Variants in SAMD12 observed in about 807,000 individuals in gnomAD.
SAMD12 encodes the protein sterile alpha motif domain containing 12.
Under a neutral mutation model 15.0 loss-of-function variants are expected in SAMD12, and 9 were observed. The observed-to-expected ratio is 0.60, with a 90% confidence interval of 0.36 to 1.05. The LOEUF (loss-of-function observed/expected upper bound fraction) is 1.05. Among genes scored for constraint, SAMD12 ranks in the 50% least tolerant of loss-of-function variants. The pLI, the probability that SAMD12 is intolerant of heterozygous loss-of-function variation, is 0.01. For synonymous variants in SAMD12, 86 were observed against 90.1 expected (o/e 0.96, Z 0.25); for missense variants, 230 against 234.2 (o/e 0.98, Z 0.12).
At chr8:118,485,002 C>T (rs1194099620) in intron 2 of SAMD12, among the ~76,000 whole-genome samples, 2 of 152,156 alleles carry the variant, frequency 1.3e-5, no homozygotes, top group Non-Finnish European at 2.9e-5. Flanking sequence ...GTCCTGACCA[C>T]CCAGCTGGAA....
At position 118,439,821 on chromosome 8, in the gene SAMD12, G is replaced by A. The variant is rs773507933; in HGVS notation, c.322+11C>T. 12 of 1,610,584 alleles carry A rather than the reference G, an allele frequency of 7.5e-6. No individual in the cohort carries two copies. Among genetic ancestry groups the A allele is most frequent in the South Asian group, 1.1e-5 (1 of 90,970 alleles). On this transcript the variant is annotated intron_variant, in intron 3 of 3. Transcript: ENST00000314727. Reference sequence around the variant, plus strand: ...AAAGGAGTGAAATATCTGGGATACTGCATACTTTACCAGTTATGTCATGCT... The same window carrying A: ...AAAGGAGTGAAATATCTGGGATACTACATACTTTACCAGTTATGTCATGCT...
At chr8:118,440,023 A>G in intron 2 of SAMD12, 62 bp from the exon 3 acceptor site, 1 of 1,558,976 alleles carries the variant, frequency 6.4e-7, no homozygotes, top group East Asian at 2.2e-5. Context: ...CACTATAGTT[A>G]AAAGTCTTAG....
intron 1 of SAMD12, among the ~76,000 whole-genome samples, chr8:118,594,950 T>C (rs1040691884): frequency 5.3e-5 from 8 of 152,332 alleles, no homozygotes; most frequent in African/African-American, 1.9e-4. Flanking sequence ...GGGCAGTGTA[T>C]TTCCACTTTT....
rs1054889536 is a variant in SAMD12, at chr8:118,292,318, ATAAAG to A, written c.433+87237_433+87241del. Among the ~76,000 whole-genome samples, 33 of 143,602 alleles carry A rather than the reference ATAAAG, an allele frequency of 2.3e-4. No homozygotes were observed. The Middle Eastern group carries it at 0.011, about 48-fold the overall frequency. 94.2% of individuals were successfully genotyped at this position (143,602 alleles called of 152,430 possible). A position where few individuals can be genotyped will look rare whatever the true frequency, so the allele number is the denominator to read the frequency against. On this transcript the variant is annotated intron_variant, in intron 4 of 4. Coordinates refer to the SAMD12 transcript ENST00000409003. ...AAAAATAAACAATATAATAATAATA[ATAAAG>A]TAATGTCCAAAACTGCAAACACACA...
intron 4 of SAMD12, chr8:118,197,800 C>A: frequency 7.2e-7 from 1 of 1,379,738 alleles, no homozygotes; most frequent in Non-Finnish European, 1.0e-6. Flanking sequence ...TGATATGTAG[C>A]AATTATCTTA....
At chr8:118,439,718 C>T in intron 3 of SAMD12, 114 bp downstream of exon 3, 1 of 1,008,776 alleles carries the variant, frequency 9.9e-7, no homozygotes, top group South Asian at 1.5e-5. Flanking sequence ...GGAAGTAAAC[C>T]CATGCCAGAA....
At chr8:118,374,132 C>T (rs1819253945), downstream of SAMD12, among the ~76,000 whole-genome samples, 1 of 152,060 alleles carries the variant, frequency 6.6e-6, no homozygotes, top group South Asian at 2.1e-4. Flanking sequence ...GAAACTTGTA[C>T]ATGAAACACA....
chr8:118,366,841 TAAAATAAAATAA>T (rs1818806034), intron 4 of SAMD12, among the ~76,000 whole-genome samples: 1 of 88,698 alleles, frequency 1.1e-5, no homozygotes, highest in Non-Finnish European at 2.3e-5. Context: ...TAAAATAAAA[TAAAATAAAATAA>T]AATAAAATAA....
chr8:118,566,296 G>A (rs892480304), intron 2 of SAMD12, among the ~76,000 whole-genome samples: 3 of 152,038 alleles, frequency 2.0e-5, no homozygotes, highest in Non-Finnish European at 2.9e-5. Context: ...TTTTGGTTTC[G>A]TCTCAGAAAA....
exon 5 of SAMD12, chr8:118,190,253 G>A (rs1476674623): frequency 6.6e-6 from 1 of 152,116 alleles, no homozygotes; most frequent in African/African-American, 2.4e-5. Context: ...TTCACATTGT[G>A]TAATTTTTCT....
intron 4 of SAMD12, among the ~76,000 whole-genome samples, chr8:118,337,262 A>G (rs529093505): frequency 1.3e-5 from 2 of 152,296 alleles, no homozygotes; most frequent in East Asian, 1.9e-4. Context: ...GGGTCCTAGT[A>G]ATTGCTGGCT....
intron 2 of SAMD12, among the ~76,000 whole-genome samples, chr8:118,569,817 G>A (rs903229064): frequency 6.6e-6 from 1 of 152,286 alleles, no homozygotes; most frequent in Non-Finnish European, 1.5e-5. Flanking sequence ...TCTTGTTTAA[G>A]CTACCAAGTC....
At chr8:118,606,949 C>T (rs1031327882) in intron 1 of SAMD12, among the ~76,000 whole-genome samples, 13 of 152,128 alleles carry the variant, frequency 8.5e-5, no homozygotes, top group Non-Finnish European at 1.6e-4. Flanking sequence ...GCTATAGGGT[C>T]AGAGTACCCT....
chr8:118,244,794 G>A (rs527476693), intron 4 of SAMD12, among the ~76,000 whole-genome samples: 4 of 152,110 alleles, frequency 2.6e-5, no homozygotes, highest in East Asian at 1.9e-4. Context: ...AAAGTAGAGC[G>A]AAAACTAGGA....
intron 1 of SAMD12, among the ~76,000 whole-genome samples, chr8:118,599,081 A>C (rs1225207223): frequency 6.6e-6 from 1 of 152,154 alleles, no homozygotes; most frequent in Non-Finnish European, 1.5e-5. Context: ...TATCCCAGGC[A>C]AGGCCCTATT....
the SAMD12 span, among the ~76,000 whole-genome samples, chr8:118,165,833 G>A: frequency 0.011 from 1,669 of 151,786 alleles, 35 homozygotes; most frequent in African/African-American, 0.038. Flanking sequence ...TAACATGGTT[G>A]AGTCCAGTTT....
At chr8:118,547,308 G>C (rs546296251) in intron 2 of SAMD12, among the ~76,000 whole-genome samples, 38 of 152,218 alleles carry the variant, frequency 2.5e-4, no homozygotes, top group Admixed American at 1.7e-3. Context: ...TCGCCAATTT[G>C]TTGGCCAAAT....
chr8:118,450,169 C>T (rs1188112335), intron 2 of SAMD12, among the ~76,000 whole-genome samples: 7 of 152,180 alleles, frequency 4.6e-5, no homozygotes, highest in South Asian at 2.1e-4. Context: ...TTGTATGCAA[C>T]GCTGGTGAGA....
At chr8:118,201,574 G>A (rs1819717276) in intron 4 of SAMD12, among the ~76,000 whole-genome samples, 1 of 152,180 alleles carries the variant, frequency 6.6e-6, no homozygotes, top group African/African-American at 2.4e-5. Flanking sequence ...GCAGTGTCAG[G>A]TATACAGAAA....
Sources: gnomAD v4.1 joint callset for allele counts (sites outside exome capture counted in the v4.1 genomes callset) on GRCh38, gnomAD v4.1.1 for gene constraint, MANE v1.5 for transcripts, NCBI Gene and HGNC (gene_info 2026-07-23, HGNC 2026-07-21) for gene names.